SRPK2: variants seen among roughly 807,000 people sequenced by gnomAD.
SRPK2 encodes the protein SFRS protein kinase 2.
SRPK2 carries 21 observed loss-of-function variants against 90.8 expected under a neutral mutation model. The observed-to-expected ratio is 0.23, with a 90% CI of 0.16 to 0.33. The LOEUF (loss-of-function observed/expected upper bound fraction) is 0.33, where lower values mean the gene tolerates loss of function less well. Ranked by LOEUF, SRPK2 falls within the 10% of genes least tolerant of loss-of-function variation. The pLI, the probability that SRPK2 is intolerant of heterozygous loss-of-function variation, is 1.00. For synonymous variants in SRPK2, 288 were observed against 311.1 expected, an observed-to-expected ratio of 0.93 and a Z score of 0.78; for missense variants, 620 against 869.0, an observed-to-expected ratio of 0.71 and a Z score of 3.60.
intron 2 of SRPK2, among the ~76,000 whole-genome samples, chr7:105,339,936 T>C (rs991771785): frequency 2.0e-5 from 3 of 151,876 alleles, no homozygotes; most frequent in Non-Finnish European, 4.4e-5. Flanking sequence ...CACACACCTG[T>C]AGTCAAAGCT....
intron 13 of SRPK2, among the ~76,000 whole-genome samples, chr7:105,131,074 G>A (rs1430595895): frequency 1.3e-5 from 2 of 152,212 alleles, no homozygotes; most frequent in Non-Finnish European, 2.9e-5. Context: ...AAATTGTGCT[G>A]AAAGCTCCAT....
chr7:105,313,682 C>T (rs542795133), intron 2 of SRPK2, among the ~76,000 whole-genome samples: 17 of 151,914 alleles, frequency 1.1e-4, no homozygotes, highest in Admixed American at 8.5e-4. Context: ...ACCAGGGAGG[C>T]GGAGGTTGCA....
At position 105,367,067 on chromosome 7, in the gene SRPK2, G is replaced by T. The variant is rs1350500219; in HGVS notation, c.71+21581C>A. On this transcript the variant is annotated intron_variant, in intron 2 of 15. Coordinates refer to ENST00000393651, the MANE Select transcript of SRPK2 (RefSeq NM_182692.3). ...AAAATATGAGATCACCTTTTTTTTTGTTTTTTTTTTTGTTTGTTTGTTTGT... is the reference window on the plus strand; with the variant it reads ...AAAATATGAGATCACCTTTTTTTTTTTTTTTTTTTTTGTTTGTTTGTTTGT... 5.1e-3 allele frequency among the ~76,000 whole-genome samples: 725 copies of T among 143,442 alleles called. 5 individuals are homozygous for T. Among genetic ancestry groups the T allele is most frequent in the African/African-American group, 0.017 (681 of 39,552 alleles). 94.1% of individuals were successfully genotyped at this position (143,442 alleles called of 152,430 possible).
At chr7:105,130,447 G>C (rs1584890767) in intron 13 of SRPK2, among the ~76,000 whole-genome samples, 1 of 152,196 alleles carries the variant, frequency 6.6e-6, no homozygotes, top group East Asian at 1.9e-4. Flanking sequence ...CTACACCAGA[G>C]GCTGAGGTGG....
chr7:105,234,389 A>T (rs1043924619), intron 2 of SRPK2, among the ~76,000 whole-genome samples: 6 of 152,336 alleles, frequency 3.9e-5, no homozygotes, highest in Admixed American at 2.0e-4. Context: ...CTACCAAAAG[A>T]TCATTAGAGA....
intron 3 of SRPK2, among the ~76,000 whole-genome samples, chr7:105,181,432 C>A (rs551593215): frequency 3.3e-5 from 5 of 152,138 alleles, no homozygotes; most frequent in African/African-American, 1.2e-4. Context: ...ATGTTCACTG[C>A]GACACTATTC....
At chr7:105,282,713 T>C (rs1197469428) in intron 2 of SRPK2, among the ~76,000 whole-genome samples, 1 of 152,068 alleles carries the variant, frequency 6.6e-6, no homozygotes, top group East Asian at 1.9e-4. Flanking sequence ...CACTTGAACC[T>C]GGGAAGCGGA....
intron 2 of SRPK2, among the ~76,000 whole-genome samples, chr7:105,255,077 C>T (rs1039112545): frequency 7.5e-5 from 11 of 146,024 alleles, no homozygotes; most frequent in African/African-American, 2.7e-4. Flanking sequence ...ATTAACAGCT[C>T]AGTGCCTTAT....
downstream of SRPK2, among the ~76,000 whole-genome samples, chr7:105,116,068 C>T (rs550941471): frequency 1.3e-5 from 2 of 152,102 alleles, no homozygotes; most frequent in Admixed American, 1.3e-4. Context: ...GTCTTGTTTC[C>T]TAACAGCAAA....
At chr7:105,276,989 C>T (rs1806588778) in intron 2 of SRPK2, among the ~76,000 whole-genome samples, 2 of 152,132 alleles carry the variant, frequency 1.3e-5, no homozygotes. Flanking sequence ...TACCAATTAA[C>T]TGCTTCTTCT....
intron 2 of SRPK2, among the ~76,000 whole-genome samples, chr7:105,230,560 C>A (rs1350810177): frequency 6.6e-6 from 1 of 152,132 alleles, no homozygotes; most frequent in Non-Finnish European, 1.5e-5. Context: ...ACCCAGAGAC[C>A]AGATTTCTTT....
chr7:105,243,627 T>C (rs1223266222), intron 2 of SRPK2, among the ~76,000 whole-genome samples: 6 of 90,588 alleles, frequency 6.6e-5, no homozygotes, highest in Non-Finnish European at 7.3e-5. Context: ...AGAGACTCCA[T>C]CTCAAAAAAA....
chr7:105,269,393 A>C (rs1805524256), intron 2 of SRPK2, among the ~76,000 whole-genome samples: 1 of 152,200 alleles, frequency 6.6e-6, no homozygotes, highest in Non-Finnish European at 1.5e-5. Flanking sequence ...AAAATGTTTA[A>C]CCTTTGTTTT....
intron 2 of SRPK2, among the ~76,000 whole-genome samples, chr7:105,323,399 T>C (rs942132920): frequency 1.2e-4 from 18 of 152,224 alleles, no homozygotes; most frequent in African/African-American, 3.6e-4. Flanking sequence ...TGTTAGAAAA[T>C]AGCAGGCAAC....
At chr7:105,165,955 T>C (rs1466692951) in intron 6 of SRPK2, among the ~76,000 whole-genome samples, 1 of 152,100 alleles carries the variant, frequency 6.6e-6, no homozygotes, top group Admixed American at 6.6e-5. Flanking sequence ...CAAACAACTC[T>C]GGATGCGCCA....
intron 2 of SRPK2, among the ~76,000 whole-genome samples, chr7:105,375,553 C>T (rs1410566482): frequency 2.6e-5 from 4 of 152,032 alleles, no homozygotes; most frequent in Non-Finnish European, 2.9e-5. Context: ...AAAATCACAG[C>T]GATCAAGGTA....
rs1562957200 is a variant in SRPK2 at position 105,126,236 on chromosome 7, A to AAG, written c.1915+10_1915+11dup. On this transcript the variant is annotated intron_variant, in intron 15 of 15. Transcript: ENST00000393651. ...CTGCATCGTGGCGCTTTTCAAAAAG[A>AAG]AGAGGTACTACCTCTGCGATTGAAG... 1.0e-5 allele frequency: 16 copies of AAG among 1,598,680 alleles called. No homozygotes were observed. The highest frequency in any genetic ancestry group is 1.4e-5 in the Non-Finnish European group (16 of 1,166,162).
chr7:105,132,907 G>A lies in SRPK2; in HGVS notation c.1645-9C>T. ...TCCGTGAAGTGTTTATGCTGGAAGG[G>A]AACAGGCTGCATTACCACGGAGCAA... is the stretch of plus-strand genomic sequence containing the variant. On this transcript the variant is annotated splice_polypyrimidine_tract_variant and intron_variant, in intron 12 of 15. Coordinates refer to ENST00000393651, the MANE Select transcript of SRPK2 (RefSeq NM_182692.3). The A allele has an allele frequency of 6.2e-7, 1 of 1,612,962 alleles. No individual in the cohort carries two copies. The highest frequency in any genetic ancestry group is 8.5e-7 in the Non-Finnish European group (1 of 1,179,210).
chr7:105,174,068 G>C (rs1442142364), intron 3 of SRPK2, among the ~76,000 whole-genome samples: 1 of 142,408 alleles, frequency 7.0e-6, no homozygotes, highest in African/African-American at 2.5e-5. Flanking sequence ...AGTACAGTGA[G>C]ACCCTGTCTC....
Sources: allele counts gnomAD v4.1 joint callset (sites outside exome capture counted in the v4.1 genomes callset), GRCh38; gene constraint gnomAD v4.1.1; transcripts MANE v1.5; gene names NCBI Gene and HGNC (gene_info 2026-07-23, HGNC 2026-07-21).